The following SCFD2 variants were observed in gnomAD, a reference collection of about 807,000 sequenced individuals.
The protein encoded by SCFD2 is sec1 family domain containing 2.
A neutral mutation model predicts 58.9 loss-of-function variants in SCFD2; 54 were observed. That is an observed-to-expected ratio of 0.92 (90% confidence interval 0.74 to 1.15). SCFD2 has a LOEUF of 1.15. SCFD2 is among the 50% of genes most tolerant of loss of function. The pLI is 0.00. For missense variants in SCFD2, 805 were observed against 836.6 expected, an observed-to-expected ratio of 0.96 and a Z score of 0.47; for synonymous variants, 321 against 335.9, an observed-to-expected ratio of 0.96 and a Z score of 0.49.
intron 8 of SCFD2, among the ~76,000 whole-genome samples, chr4:52,876,756 G>GAAAAA (rs761229349): frequency 5.5e-5 from 3 of 54,386 alleles, no homozygotes; most frequent in Non-Finnish European, 1.0e-4. Flanking sequence ...TCTCTGTCTC[G>GAAAAA]AAAAAAAAAA....
chr4:53,208,876 G>C (rs373493177), intron 4 of SCFD2, among the ~76,000 whole-genome samples: 1 of 152,072 alleles, frequency 6.6e-6, no homozygotes, highest in East Asian at 1.9e-4. Flanking sequence ...CAAGAAGCTC[G>C]GCCCTTTGAA....
At chr4:52,994,664 A>C (rs1442379510) in intron 5 of SCFD2, among the ~76,000 whole-genome samples, 1 of 152,152 alleles carries the variant, frequency 6.6e-6, no homozygotes, top group East Asian at 1.9e-4. Context: ...CGACAGATAT[A>C]CCACACTGTT....
chr4:53,174,481 G>A (rs767364641), intron 4 of SCFD2, among the ~76,000 whole-genome samples: 10 of 152,066 alleles, frequency 6.6e-5, no homozygotes, highest in Non-Finnish European at 1.3e-4. Context: ...CATTAAAGTG[G>A]CTGCAGATGT....
intron 5 of SCFD2, among the ~76,000 whole-genome samples, chr4:53,140,828 A>G (rs1726113909): frequency 6.6e-6 from 1 of 152,196 alleles, no homozygotes; most frequent in African/African-American, 2.4e-5. Context: ...GACATGGGCT[A>G]CAGATCCACA....
At chr4:52,882,098 C>G (rs766425337) in intron 8 of SCFD2, among the ~76,000 whole-genome samples, 2 of 151,998 alleles carry the variant, frequency 1.3e-5, no homozygotes, top group African/African-American at 4.8e-5. Flanking sequence ...CAATCAAGTG[C>G]GAGACAGGGA....
At chr4:53,090,287 T>C (rs1046843707) in intron 5 of SCFD2, among the ~76,000 whole-genome samples, 1 of 152,182 alleles carries the variant, frequency 6.6e-6, no homozygotes, top group Non-Finnish European at 1.5e-5. Flanking sequence ...ACAGTTGGGC[T>C]TTCTATTAGA....
At chr4:53,048,966 T>TA (rs144341201) in intron 5 of SCFD2, among the ~76,000 whole-genome samples, 3,346 of 152,142 alleles carry the variant, frequency 0.022, 48 homozygotes, top group Non-Finnish European at 0.031. Context: ...AATAAATAAA[T>TA]AATAAAAATA....
intron 2 of SCFD2, among the ~76,000 whole-genome samples, chr4:53,338,581 T>TTTTTC (rs1240929785): frequency 1.5e-5 from 1 of 66,860 alleles, no homozygotes; most frequent in Non-Finnish European, 3.3e-5. Flanking sequence ...TTTTCTTTTT[T>TTTTTC]TTTTTTTTTT....
At chr4:52,951,189 T>G (rs767376457) in intron 5 of SCFD2, among the ~76,000 whole-genome samples, 1 of 152,158 alleles carries the variant, frequency 6.6e-6, no homozygotes, top group Non-Finnish European at 1.5e-5. Context: ...CCTCCCTTCC[T>G]TCCTCCCTGA....
chr4:53,145,241 T>C (rs191342272), intron 5 of SCFD2, 92 bp downstream of exon 5: 26 of 1,439,554 alleles, frequency 1.8e-5, no homozygotes, highest in South Asian at 4.0e-5. Flanking sequence ...CCAGTGAAGA[T>C]GGTTACCTCC....
intron 2 of SCFD2, among the ~76,000 whole-genome samples, chr4:53,318,437 T>C (rs1186370458): frequency 6.6e-6 from 1 of 152,188 alleles, no homozygotes; most frequent in African/African-American, 2.4e-5. Context: ...AGAGGTTTGC[T>C]AATATAAAGA....
intron 5 of SCFD2, among the ~76,000 whole-genome samples, chr4:53,011,260 TC>T (rs539441325): frequency 1.3e-4 from 20 of 152,008 alleles, no homozygotes; most frequent in African/African-American, 2.4e-4. Context: ...TGCTTTTTTT[TC>T]CCCCCCAAAG....
chr4:53,279,084 T>G (rs1439065466), intron 3 of SCFD2, among the ~76,000 whole-genome samples: 1 of 152,080 alleles, frequency 6.6e-6, no homozygotes, highest in African/African-American at 2.4e-5. Context: ...GACAGAATAT[T>G]TATTCATACT....
At position 53,217,261 on chromosome 4, in the gene SCFD2, T is replaced by G. The variant is rs538668392; in HGVS notation, c.1311+56565A>C. 7.9e-5 allele frequency among the ~76,000 whole-genome samples: 12 copies of G among 152,238 alleles called. No individual in the cohort carries two copies. In the East Asian group the frequency reaches 2.3e-3, roughly 29 times the overall value. On this transcript the variant is annotated intron_variant, in intron 4 of 8. Transcript: ENST00000401642. ...GACAGTGGGGTGTTAAAGTCTCCCA[T>G]TATTATTGTGTGGGAGTCTAAGTCT...
chr4:53,275,150 C>T (rs1169404162), intron 3 of SCFD2, among the ~76,000 whole-genome samples: 1 of 152,174 alleles, frequency 6.6e-6, no homozygotes, highest in Non-Finnish European at 1.5e-5. Context: ...TCCTGCCTGA[C>T]GTGCTAAGAA....
intron 5 of SCFD2, among the ~76,000 whole-genome samples, chr4:53,028,293 G>C (rs1291048854): frequency 1.3e-5 from 2 of 151,942 alleles, no homozygotes; most frequent in African/African-American, 4.8e-5. Flanking sequence ...AAAAATATGA[G>C]AGAAATGCTT....
intron 4 of SCFD2, among the ~76,000 whole-genome samples, chr4:53,206,615 T>C (rs1728414272): frequency 6.6e-6 from 1 of 152,142 alleles, no homozygotes; most frequent in African/African-American, 2.4e-5. Context: ...TGCTTTAAAT[T>C]ACAATATACT....
chr4:53,017,964 CTA>C (rs1722254270), intron 5 of SCFD2, among the ~76,000 whole-genome samples: 1 of 152,208 alleles, frequency 6.6e-6, no homozygotes, highest in Admixed American at 6.5e-5. Context: ...CTTGACCATC[CTA>C]TATAGAACAG....
chr4:53,176,413 G>C (rs1353185708), intron 4 of SCFD2, among the ~76,000 whole-genome samples: 1 of 152,158 alleles, frequency 6.6e-6, no homozygotes, highest in African/African-American at 2.4e-5. Flanking sequence ...GTGAACTGCT[G>C]AGATACCTTG....
Sources: allele counts gnomAD v4.1 joint callset (sites outside exome capture counted in the v4.1 genomes callset), GRCh38; gene constraint gnomAD v4.1.1; transcripts MANE v1.5; gene names NCBI Gene and HGNC (gene_info 2026-07-23, HGNC 2026-07-21).